Variants in CEP112 observed in about 807,000 individuals in gnomAD.
The protein encoded by CEP112 is centrosomal protein of 112 kDa.
CEP112 carries 127 observed loss-of-function variants against 153.0 expected under a neutral mutation model. That is an observed-to-expected ratio of 0.83 (90% CI 0.72 to 0.96). The LOEUF is 0.96. Ranked by LOEUF, CEP112 falls within the 40% of genes least tolerant of loss-of-function variation. The pLI, the probability that CEP112 is intolerant of heterozygous loss-of-function variation, is 0.00. For missense variants in CEP112, 1,089 were observed against 1,101.2 expected (o/e 0.99, Z 0.16); for synonymous variants, 358 against 374.4 (o/e 0.96, Z 0.51).
At chr17:66,002,146 G>A (rs1568363723) in intron 17 of CEP112, among the ~76,000 whole-genome samples, 1 of 152,128 alleles carries the variant, frequency 6.6e-6, no homozygotes. Context: ...AATAATGATA[G>A]GTTCTGAAAT....
At chr17:65,970,856 T>A (rs902237451) in intron 17 of CEP112, among the ~76,000 whole-genome samples, 1 of 45,676 alleles carries the variant, frequency 2.2e-5, no homozygotes, top group Non-Finnish European at 4.7e-5. Flanking sequence ...ATGTCATGTA[T>A]ATCTGCATGC....
intron 19 of CEP112, among the ~76,000 whole-genome samples, chr17:65,914,053 A>G (rs1373733879): frequency 6.6e-6 from 1 of 152,086 alleles, no homozygotes; most frequent in Admixed American, 6.6e-5. Flanking sequence ...TTCATGGTTC[A>G]ATAATGGACA....
At chr17:65,952,439 G>A (rs766477370) in intron 18 of CEP112, among the ~76,000 whole-genome samples, 4 of 151,954 alleles carry the variant, frequency 2.6e-5, no homozygotes, top group Non-Finnish European at 1.5e-5. Context: ...CCATGCTGTT[G>A]TATCAATAAT....
chr17:65,776,774 G>A (rs1000921373), intron 21 of CEP112, among the ~76,000 whole-genome samples: 2 of 104,390 alleles, frequency 1.9e-5, no homozygotes, highest in Non-Finnish European at 5.2e-5. Context: ...TGGTTTTAGA[G>A]ATTTTTATAA....
chr17:66,098,147 A>T (rs552053917), intron 6 of CEP112, among the ~76,000 whole-genome samples: 25 of 152,342 alleles, frequency 1.6e-4, no homozygotes, highest in African/African-American at 6.0e-4. Context: ...AGCTGTAACC[A>T]ATCCTGCTGT....
At chr17:65,678,513 A>C (rs1567851222) in intron 24 of CEP112, among the ~76,000 whole-genome samples, 1 of 152,328 alleles carries the variant, frequency 6.6e-6, no homozygotes, top group East Asian at 1.9e-4. Flanking sequence ...TGTCTTAAAA[A>C]TTAAACGAAA....
intron 20 of CEP112, among the ~76,000 whole-genome samples, chr17:65,882,233 T>A (rs1200050188): frequency 6.6e-6 from 1 of 152,214 alleles, no homozygotes; most frequent in African/African-American, 2.4e-5. Context: ...TCACGGTTGA[T>A]CTCAACTGAT....
intron 6 of CEP112, among the ~76,000 whole-genome samples, chr17:66,120,200 G>GGTTTTT (rs1456042975): frequency 6.6e-6 from 1 of 151,908 alleles, no homozygotes; most frequent in Non-Finnish European, 1.5e-5. Flanking sequence ...TTTGTTGGGA[G>GGTTTTT]GTTTTTGTTT....
At chr17:65,809,967 C>T (rs1173326579) in intron 21 of CEP112, among the ~76,000 whole-genome samples, 1 of 152,066 alleles carries the variant, frequency 6.6e-6, no homozygotes, top group Non-Finnish European at 1.5e-5. Context: ...GTGATTAAAA[C>T]CTATCAGAGA....
intron 20 of CEP112, among the ~76,000 whole-genome samples, chr17:65,854,860 T>A (rs2058074791): frequency 6.6e-6 from 1 of 152,166 alleles, no homozygotes; most frequent in South Asian, 2.1e-4. Context: ...GAAGAGATAG[T>A]CAATGCAATC....
intron 1 of CEP112, among the ~76,000 whole-genome samples, chr17:66,186,357 A>G (rs898290193): frequency 6.6e-6 from 1 of 151,952 alleles, no homozygotes; most frequent in Admixed American, 6.6e-5. Context: ...GCTGGAGTGT[A>G]GTGGCACGAT....
chr17:66,171,552 G>C (rs2072243901), intron 4 of CEP112, among the ~76,000 whole-genome samples: 1 of 152,126 alleles, frequency 6.6e-6, no homozygotes, highest in South Asian at 2.1e-4. Flanking sequence ...TGATCACTCA[G>C]AGTAAAGGAG....
At chr17:66,096,563 G>T in intron 7 of CEP112, 22 bp downstream of exon 7, 1 of 1,543,808 alleles carries the variant, frequency 6.5e-7, no homozygotes, top group Non-Finnish European at 8.9e-7. Context: ...CCTAGAAAAA[G>T]TCCAATGGAT....
chr17:65,864,472 C>CT (rs200883360), intron 20 of CEP112, among the ~76,000 whole-genome samples: 20 of 152,334 alleles, frequency 1.3e-4, no homozygotes, highest in African/African-American at 4.3e-4. Flanking sequence ...ACCCTAATAA[C>CT]TGGAGCCCTG....
chr17:65,761,628 T>C (rs2052616772), intron 21 of CEP112, among the ~76,000 whole-genome samples: 1 of 152,130 alleles, frequency 6.6e-6, no homozygotes, highest in Non-Finnish European at 1.5e-5. Flanking sequence ...ATTTTTAAAT[T>C]TATATTGAGA....
At chr17:65,708,662 T>C (rs2049027441) in intron 23 of CEP112, among the ~76,000 whole-genome samples, 1 of 152,190 alleles carries the variant, frequency 6.6e-6, no homozygotes, top group African/African-American at 2.4e-5. Flanking sequence ...ATTTTTCAGG[T>C]CACTCTAGTC....
intron 12 of CEP112, among the ~76,000 whole-genome samples, chr17:66,037,411 G>A (rs562028370): frequency 1.3e-5 from 2 of 151,962 alleles, no homozygotes; most frequent in Non-Finnish European, 1.5e-5. Context: ...TGGCTCTCCC[G>A]TGCTGGTCAT....
At chr17:66,152,954 G>A (rs2071270815) in intron 4 of CEP112, among the ~76,000 whole-genome samples, 1 of 152,042 alleles carries the variant, frequency 6.6e-6, no homozygotes, top group Non-Finnish European at 1.5e-5. Flanking sequence ...TAGTCACTGG[G>A]GGAATGCAAA....
intron 12 of CEP112, among the ~76,000 whole-genome samples, chr17:66,046,189 C>G (rs974719316): frequency 6.6e-6 from 1 of 152,020 alleles, no homozygotes; most frequent in Non-Finnish European, 1.5e-5. Context: ...ACTACAAGCG[C>G]ATGCTGCCAC....
Sources: allele counts gnomAD v4.1 joint callset (sites outside exome capture counted in the v4.1 genomes callset), GRCh38; gene constraint gnomAD v4.1.1; transcripts MANE v1.5; gene names NCBI Gene and HGNC (gene_info 2026-07-23, HGNC 2026-07-21).